The following ASPRV1 variants were observed in gnomAD, a reference collection of about 807,000 sequenced individuals.
ASPRV1 encodes the protein aspartic peptidase retroviral like 1, also known as retroviral-like aspartic protease 1.
Under a neutral mutation model 11.0 loss-of-function variants are expected in ASPRV1, and 7 were observed. The ratio of observed to expected loss-of-function variants is 0.64; its 90% confidence interval spans 0.36 to 1.20. The LOEUF is 1.20. Among genes scored for constraint, ASPRV1 ranks in the 50% most tolerant of loss-of-function variants. ASPRV1 has a pLI of 0.02. For synonymous variants in ASPRV1, 136 were observed against 138.4 expected (o/e 0.98, Z 0.12); for missense variants, 299 against 320.0 (o/e 0.93, Z 0.50).
chr2:70,031,947 G>A, the ASPRV1 span: 1 of 152,160 alleles, frequency 6.6e-6, no homozygotes, highest in Non-Finnish European at 1.5e-5. Context: ...AAAGAAATGA[G>A]GTCACTTTCT....
chr2:69,984,228 G>A, the ASPRV1 span, among the ~76,000 whole-genome samples: 25 of 151,938 alleles, frequency 1.6e-4, no homozygotes, highest in Admixed American at 9.2e-4. Context: ...TAGTAGAGAC[G>A]AGGTTTCACC....
the ASPRV1 span, among the ~76,000 whole-genome samples, chr2:70,075,458 T>C: frequency 1.3e-5 from 2 of 151,656 alleles, no homozygotes; most frequent in South Asian, 2.1e-4. Context: ...TTCTAACCTC[T>C]CTTCAACTCT....
chr2:69,937,487 A>T, the ASPRV1 span: 1 of 1,241,514 alleles, frequency 8.1e-7, no homozygotes, highest in East Asian at 2.5e-5. Context: ...GAGTGTAAGA[A>T]GAACTAAGAC....
At chr2:70,045,620 T>C in the ASPRV1 span, 1 of 152,118 alleles carries the variant, frequency 6.6e-6, no homozygotes, top group Non-Finnish European at 1.5e-5. Flanking sequence ...ATAAACAACA[T>C]TGCTGGGTTT....
At chr2:69,952,012 T>C in the ASPRV1 span, among the ~76,000 whole-genome samples, 815 of 152,334 alleles carry the variant, frequency 5.4e-3, 8 homozygotes, top group African/African-American at 0.019. Flanking sequence ...CTGTTTATAA[T>C]AGATTAAAAC....
the ASPRV1 span, among the ~76,000 whole-genome samples, chr2:70,036,510 C>T: frequency 6.6e-6 from 1 of 152,000 alleles, no homozygotes; most frequent in African/African-American, 2.4e-5. Context: ...GTCTCTCAGG[C>T]AGGAAGAGGA....
chr2:70,073,323 T>C, the ASPRV1 span: 2 of 152,238 alleles, frequency 1.3e-5, no homozygotes, highest in South Asian at 4.1e-4. Context: ...AAACCACTAA[T>C]AAATAACTAA....
At chr2:70,071,846 G>C in the ASPRV1 span, 1 of 152,212 alleles carries the variant, frequency 6.6e-6, no homozygotes, top group Non-Finnish European at 1.5e-5. Flanking sequence ...GCTCATGCCT[G>C]TAATCCCAGC....
chr2:69,987,582 CAAAAAAAAAA>C, the ASPRV1 span, among the ~76,000 whole-genome samples: 3 of 48,374 alleles, frequency 6.2e-5, no homozygotes, highest in Admixed American at 2.5e-4. Flanking sequence ...CTCATCTCTA[CAAAAAAAAAA>C]AAAAAAAAAA....
chr2:70,009,889 T>C, the ASPRV1 span, among the ~76,000 whole-genome samples: 3 of 152,218 alleles, frequency 2.0e-5, no homozygotes, highest in Admixed American at 1.3e-4. Context: ...GATGTATCTG[T>C]AGGGCGAAGC....
the ASPRV1 span, among the ~76,000 whole-genome samples, chr2:70,058,354 T>C: frequency 6.6e-6 from 1 of 152,076 alleles, no homozygotes; most frequent in East Asian, 1.9e-4. Flanking sequence ...GCGATTCTCC[T>C]GCCTCAGCCT....
At chr2:70,055,824 A>C in the ASPRV1 span, 2 of 152,134 alleles carry the variant, frequency 1.3e-5, no homozygotes, top group Non-Finnish European at 2.9e-5. Context: ...CATGCCCGTA[A>C]TCCTGACACT....
At chr2:69,972,514 T>C in the ASPRV1 span, among the ~76,000 whole-genome samples, 1 of 152,038 alleles carries the variant, frequency 6.6e-6, no homozygotes, top group Admixed American at 6.6e-5. Context: ...CCCGCCACCA[T>C]GCCCGGCTAT....
chr2:70,072,361 T>C, the ASPRV1 span, among the ~76,000 whole-genome samples: 39 of 152,124 alleles, frequency 2.6e-4, no homozygotes, highest in African/African-American at 9.2e-4. Context: ...AAGGCTACAG[T>C]AAGCTATGAT....
At chr2:70,040,817 G>C in the ASPRV1 span, among the ~76,000 whole-genome samples, 1 of 152,124 alleles carries the variant, frequency 6.6e-6, no homozygotes, top group Non-Finnish European at 1.5e-5. Flanking sequence ...CTGGGTGACA[G>C]AGTGAGACTC....
At chr2:69,953,537 A>C in the ASPRV1 span, among the ~76,000 whole-genome samples, 1 of 152,220 alleles carries the variant, frequency 6.6e-6, no homozygotes, top group Non-Finnish European at 1.5e-5. Context: ...GCGACTGGGC[A>C]GTTACGACCT....
chr2:69,955,289 A>G (rs1677913238), downstream of ASPRV1, among the ~76,000 whole-genome samples: 1 of 152,170 alleles, frequency 6.6e-6, no homozygotes, highest in South Asian at 2.1e-4. Context: ...CATGGCCTTC[A>G]GTCTATGACT....
At chr2:69,944,186 T>A in the ASPRV1 span, among the ~76,000 whole-genome samples, 11 of 152,238 alleles carry the variant, frequency 7.2e-5, no homozygotes, top group Non-Finnish European at 1.0e-4. Context: ...GATCCCTTGT[T>A]TACTGTGGTT....
the ASPRV1 span, chr2:70,031,902 G>A: frequency 6.6e-6 from 1 of 152,186 alleles, no homozygotes; most frequent in Non-Finnish European, 1.5e-5. Flanking sequence ...AGCAGCATAA[G>A]GCTTACATTT....
Sources: gnomAD v4.1 joint callset for allele counts (sites outside exome capture counted in the v4.1 genomes callset) on GRCh38, gnomAD v4.1.1 for gene constraint, MANE v1.5 for transcripts, NCBI Gene and HGNC (gene_info 2026-07-23, HGNC 2026-07-21) for gene names.